The following JAK3 variants were observed in gnomAD, a reference collection of about 807,000 sequenced individuals.
JAK3 encodes the protein tyrosine-protein kinase JAK3.
A neutral mutation model predicts 120.8 loss-of-function variants in JAK3; 88 were observed. The ratio of observed to expected loss-of-function variants is 0.73; its 90% CI spans 0.61 to 0.87. JAK3 has a LOEUF of 0.87. Ranked by LOEUF, JAK3 falls within the 40% of genes least tolerant of loss-of-function variation. The pLI, the probability that JAK3 is intolerant of heterozygous loss-of-function variation, is 0.00. For synonymous variants in JAK3, 592 were observed against 628.6 expected (o/e 0.94, Z 0.87); for missense variants, 1,254 against 1,501.4 (o/e 0.84, Z 2.72).
Position 17,832,486 on chromosome 19 carries a change from C to A in JAK3, c.2680+33G>T, listed in dbSNP as rs200252926. On this transcript the variant is annotated intron_variant, in intron 19 of 23. Coordinates refer to ENST00000458235, the MANE Select transcript of JAK3 (RefSeq NM_000215.4). The surrounding 1 kb of genome is among the most constrained non-coding windows in gnomAD (Gnocchi z 4.7). ...ATGTGCACTTTGAAAAGCACCCATACGTCTTGGTTCACTCATCCGGGAGCT... is the reference window on the plus strand; with the variant it reads ...ATGTGCACTTTGAAAAGCACCCATAAGTCTTGGTTCACTCATCCGGGAGCT... 1.2e-4 allele frequency: 186 copies of A among 1,609,770 alleles called. No individual in the cohort carries two copies. The highest frequency in any genetic ancestry group is 1.6e-4 in the Non-Finnish European group (183 of 1,176,088).
At chr19:17,829,325 AT>A (rs934157458) in intron 23 of JAK3, among the ~76,000 whole-genome samples, 14 of 151,892 alleles carry the variant, frequency 9.2e-5, no homozygotes, top group African/African-American at 3.4e-4. Context: ...CACATGGGTA[AT>A]TTTTGTATTT....
At chr19:17,845,811 G>A (rs931797754) in intron 1 of JAK3, among the ~76,000 whole-genome samples, 32 of 152,146 alleles carry the variant, frequency 2.1e-4, no homozygotes, top group Non-Finnish European at 3.2e-4. Context: ...GGGGTGGGGC[G>A]GCATTAATGA....
rs1014589452 is a variant in JAK3, at chr19:17,831,158, C to T, written c.2978+70G>A. 4 of 1,310,484 alleles carry T rather than the reference C, an allele frequency of 3.1e-6. No individual in the cohort carries two copies. The highest frequency in any genetic ancestry group is 4.0e-6 in the Non-Finnish European group (4 of 1,005,602). The allele number at this position is 1,310,484 out of a possible 1,614,324, so 81.2% of individuals were successfully genotyped here. Reference sequence around the variant, plus strand: ...TGGGGAGCAAAGCAGCGGGAGGGGGCGGGGGCATGGCTGGGGGCGGAGCCA... The same window carrying T: ...TGGGGAGCAAAGCAGCGGGAGGGGGTGGGGGCATGGCTGGGGGCGGAGCCA... On this transcript the variant is annotated intron_variant, in intron 21 of 23. Coordinates refer to ENST00000458235, the MANE Select transcript of JAK3 (RefSeq NM_000215.4). This position sits in a 1 kb window ranked among gnomAD's most constrained non-coding sequence, Gnocchi z 5.1.
In JAK3 at chr19:17,847,961, C is replaced by A; in HGVS notation, c.-29G>T. 9.6e-7 allele frequency: 1 copy of A among 1,037,448 alleles called. No homozygotes were observed. The highest frequency in any genetic ancestry group is 4.6e-5 in the South Asian group (1 of 21,796). 64.3% of individuals were successfully genotyped at this position (1,037,448 alleles called of 1,614,324 possible). On this transcript the variant is annotated 5_prime_UTR_variant, in exon 1 of 24. Transcript: ENST00000458235. Reference sequence around the variant, plus strand: ...CAGCTCTTACCTAGCGGGCAGGGACCCTGGACTTTCGAAGGGCGGGCAGAG... The same window carrying A: ...CAGCTCTTACCTAGCGGGCAGGGACACTGGACTTTCGAAGGGCGGGCAGAG...
chr19:17,838,712 A>ATTTTT (rs35486965), intron 10 of JAK3, among the ~76,000 whole-genome samples: 45 of 99,320 alleles, frequency 4.5e-4, no homozygotes, highest in African/African-American at 1.3e-3. Context: ...TGCCCGGCTA[A>ATTTTT]TTTTTTTTTT....
chr19:17,836,772 A>T, intron 13 of JAK3: 2 of 453,836 alleles, frequency 4.4e-6, no homozygotes, highest in South Asian at 2.0e-5. Flanking sequence ...CTCACACCTC[A>T]TCACACCCTG....
intron 1 of JAK3, 65 bp from the exon 2 acceptor site, chr19:17,844,495 G>A: frequency 6.9e-7 from 1 of 1,456,614 alleles, no homozygotes; most frequent in Non-Finnish European, 9.4e-7. Flanking sequence ...TGAGCAGGGA[G>A]GGCATGGAAA....
At position 17,831,409 on chromosome 19, in the gene JAK3, G is replaced by A. The variant is rs1336798242; in HGVS notation, c.2806-9C>T. On this transcript the variant is annotated splice_polypyrimidine_tract_variant and intron_variant, in intron 20 of 23. Coordinates refer to ENST00000458235, the MANE Select transcript of JAK3 (RefSeq NM_000215.4). The surrounding 1 kb of genome is among the most constrained non-coding windows in gnomAD (Gnocchi z 5.1). ...CCCAGGTACTCCATGCCCTGCGGGC[G>A]GGCGGTGTGAGCGTGCAGAGAGGAT... The A allele has an allele frequency of 3.7e-6, 6 of 1,601,862 alleles. No individual in the cohort carries two copies. The highest frequency in any genetic ancestry group is 1.1e-5 in the South Asian group (1 of 91,064).
rs369402343 is a variant in JAK3, at chr19:17,830,132, C to A, written c.3183G>T (p.Pro1061=). ...LELLEEGQRL[P]APPACPAEVH... ...CCTCAGCAGGGCAGGCAGGAGGCGC[C>A]GGCAGCCTCTGGCCCTCCTCCAGCA... Residue 1061 remains proline (P), a synonymous_variant, in exon 23 of 24, where the codon CCG becomes CCT. Coordinates refer to ENST00000458235, the MANE Select transcript of JAK3 (RefSeq NM_000215.4). 218 of 1,585,504 alleles carry A rather than the reference C, an allele frequency of 1.4e-4. 1 individual carries two copies. The highest frequency in any genetic ancestry group is 1.7e-4 in the Non-Finnish European group (202 of 1,167,342).
chr19:17,844,611 C>G, intron 1 of JAK3, 181 bp from the exon 2 acceptor site: 1 of 603,250 alleles, frequency 1.7e-6, no homozygotes, highest in Non-Finnish European at 2.9e-6. Context: ...CCTGCCTGGC[C>G]AACATGGCGA....
At chr19:17,836,818 C>T (rs1450080855) in intron 13 of JAK3, 1 of 488,008 alleles carries the variant, frequency 2.0e-6, no homozygotes, top group East Asian at 3.7e-5. Context: ...AGCTCCTGGC[C>T]CATCCTAGAC....
At position 17,841,861 on chromosome 19, in the gene JAK3, C is replaced by G; in HGVS notation, c.862-99G>C. 6.5e-7 allele frequency: 1 copy of G among 1,547,536 alleles called. No individual in the cohort carries two copies. The highest frequency in any genetic ancestry group is 8.8e-7 in the Non-Finnish European group (1 of 1,140,716). ...AAGCCACACCATCCACTCCCTATCCCTTTGCCATTCAACCCTTCCAAGCCG... is the reference window on the plus strand; with the variant it reads ...AAGCCACACCATCCACTCCCTATCCGTTTGCCATTCAACCCTTCCAAGCCG... On this transcript the variant is annotated intron_variant, in intron 6 of 23. Transcript: ENST00000458235. This position sits in a 1 kb window ranked among gnomAD's most constrained non-coding sequence, Gnocchi z 4.1.
chr19:17,827,268 C>T (rs1402369712), intron 23 of JAK3, among the ~76,000 whole-genome samples: 3 of 152,144 alleles, frequency 2.0e-5, no homozygotes, highest in East Asian at 1.9e-4. Flanking sequence ...CATGAGCCAC[C>T]GCACTCATTC....
intron 1 of JAK3, among the ~76,000 whole-genome samples, chr19:17,846,290 C>G (rs757606359): frequency 6.6e-6 from 1 of 152,122 alleles, no homozygotes; most frequent in Non-Finnish European, 1.5e-5. Flanking sequence ...GATGATGTGC[C>G]GGTAAGCGAT....
chr19:17,844,810 A>G (rs1276310235), intron 1 of JAK3, among the ~76,000 whole-genome samples: 4 of 127,142 alleles, frequency 3.1e-5, no homozygotes, highest in Non-Finnish European at 5.0e-5. Context: ...AAAAAAAAAA[A>G]AAAGAAAGAA....
At position 17,839,481 on chromosome 19, in the gene JAK3, G is replaced by T; in HGVS notation, c.1437C>A (p.Pro479=). 1 of 1,579,524 alleles carries T rather than the reference G, an allele frequency of 6.3e-7. No individual in the cohort carries two copies. Among genetic ancestry groups the T allele is most frequent in the East Asian group, 2.3e-5 (1 of 43,396 alleles). Residue 479 remains proline, a synonymous_variant, in exon 10 of 24, where the codon CCC becomes CCA. Coordinates refer to ENST00000458235, the MANE Select transcript of JAK3 (RefSeq NM_000215.4). ...VTLTSCCIPR[P]KEKSNLIVVQ... The stretch of plus-strand genomic sequence containing the variant: ...CCAGGGGAGGAAGGGGCTCACCTTT[G>T]GGTCTGGGGATACAGCAGGAAGTGA...
rs201157971 is a variant in JAK3 at position 17,832,619 on chromosome 19, G to A, written c.2580C>T (p.Ser860=). 25 of 1,614,216 alleles carry A rather than the reference G, an allele frequency of 1.5e-5. No individual in the cohort carries two copies. Among genetic ancestry groups the A allele is most frequent in the South Asian group, 7.7e-5 (7 of 91,088 alleles). Residue 860 remains serine (S), a synonymous_variant, in exon 19 of 24, where the codon AGC becomes AGT. Transcript: ENST00000458235. The surrounding 1 kb of genome is among the most constrained non-coding windows in gnomAD (Gnocchi z 4.7). ...GAAAGTCCCTCTGCTGGTCTGGCCC[G>A]CTGTGCTGCAGCTGTTTCACGGCCA... is the stretch of plus-strand genomic sequence containing the variant. ...ALVAVKQLQH[S]GPDQQRDFQR...
intron 14 of JAK3, 90 bp from the exon 15 acceptor site, chr19:17,835,305 C>A: frequency 6.7e-7 from 1 of 1,482,070 alleles, no homozygotes; most frequent in Non-Finnish European, 9.1e-7. Context: ...TCAAAACCCA[C>A]TTGGTACTGC....
rs1345256849 is a variant in JAK3, at chr19:17,844,352, C to T, written c.66G>A (p.Glu22=). 6.2e-7 allele frequency: 1 copy of T among 1,612,016 alleles called. No individual in the cohort carries two copies. The highest frequency in any genetic ancestry group is 2.2e-5 in the East Asian group (1 of 44,854). Residue 22 remains glutamate (E), a synonymous_variant, in exon 2 of 24, where the codon GAG becomes GAA. Transcript: ENST00000458235. ...PQRSCSLLST[E]AGALHVLLPA... The stretch of plus-strand genomic sequence containing the variant: ...GCAGCAGCACATGCAGGGCACCAGC[C>T]TCCGTGGACAAGAGGCTGCATGAAC...
Sources: allele counts gnomAD v4.1 joint callset (sites outside exome capture counted in the v4.1 genomes callset), GRCh38; gene constraint gnomAD v4.1.1; non-coding constraint Gnocchi (gnomAD v3.1); transcripts MANE v1.5; gene names NCBI Gene and HGNC (gene_info 2026-07-23, HGNC 2026-07-21).